EPSTI1: variants seen among roughly 807,000 people sequenced by gnomAD.
The protein encoded by EPSTI1 is epithelial-stromal interaction protein 1.
Under a neutral mutation model 49.9 loss-of-function variants are expected in EPSTI1, and 66 were observed. That is an observed-to-expected ratio of 1.32 (90% confidence interval 1.08 to 1.62). EPSTI1 has a LOEUF of 1.62. Among genes scored for constraint, EPSTI1 ranks in the 40% most tolerant of loss-of-function variants. The probability of loss-of-function intolerance (pLI) is 0.00; values close to 1 mark genes in which losing one functional copy is unlikely to be tolerated. For missense variants in EPSTI1, 394 were observed against 365.5 expected, an observed-to-expected ratio of 1.08 and a Z score of -0.64; for synonymous variants, 137 against 130.7, an observed-to-expected ratio of 1.05 and a Z score of -0.33.
intron 8 of EPSTI1, among the ~76,000 whole-genome samples, chr13:42,908,537 A>G (rs1172097501): frequency 6.6e-6 from 1 of 151,912 alleles, no homozygotes; most frequent in African/African-American, 2.4e-5. Context: ...GCTCCATGAC[A>G]TTGGTCTGGG....
intron 8 of EPSTI1, among the ~76,000 whole-genome samples, chr13:42,906,455 A>G (rs2037501780): frequency 6.6e-6 from 1 of 152,242 alleles, no homozygotes; most frequent in Non-Finnish European, 1.5e-5. Flanking sequence ...TTATGTAAAC[A>G]TGAAAATGCC....
chr13:42,974,615 C>A (rs1419016590), intron 1 of EPSTI1, among the ~76,000 whole-genome samples: 1 of 150,482 alleles, frequency 6.6e-6, no homozygotes, highest in Admixed American at 6.6e-5. Context: ...GCCGAGATTG[C>A]GCCACTGCAC....
intron 9 of EPSTI1, among the ~76,000 whole-genome samples, chr13:42,898,037 C>T (rs143208535): frequency 4.1e-3 from 625 of 152,324 alleles, no homozygotes; most frequent in Non-Finnish European, 6.5e-3. Context: ...GACCCCCATG[C>T]TCTGTCGTTT....
intron 6 of EPSTI1, among the ~76,000 whole-genome samples, chr13:42,946,595 T>C (rs540824682): frequency 6.6e-6 from 1 of 152,144 alleles, no homozygotes; most frequent in Non-Finnish European, 1.5e-5. Context: ...TTTCCTCTCT[T>C]TACTTTTGCC....
At chr13:42,974,094 G>C (rs1039447392) in intron 1 of EPSTI1, among the ~76,000 whole-genome samples, 4 of 152,114 alleles carry the variant, frequency 2.6e-5, no homozygotes, top group Non-Finnish European at 5.9e-5. Context: ...TCAGCACTTT[G>C]GGGGGCTGAG....
At chr13:42,929,264 A>G (rs1332356876) in intron 6 of EPSTI1, among the ~76,000 whole-genome samples, 1 of 152,218 alleles carries the variant, frequency 6.6e-6, no homozygotes, top group African/African-American at 2.4e-5. Flanking sequence ...TCATCATGCA[A>G]TCTACAAAGT....
intron 8 of EPSTI1, among the ~76,000 whole-genome samples, chr13:42,914,801 C>A (rs1485746358): frequency 6.6e-6 from 1 of 151,996 alleles, no homozygotes; most frequent in South Asian, 2.1e-4. Context: ...CCTACTGTCA[C>A]CAACTGTGGC....
intron 8 of EPSTI1, among the ~76,000 whole-genome samples, chr13:42,915,507 G>C (rs1288797369): frequency 6.6e-6 from 1 of 152,166 alleles, no homozygotes; most frequent in East Asian, 1.9e-4. Flanking sequence ...ACTCCAATAT[G>C]GGTGACAGAG....
chr13:42,890,304 T>C (rs1251545007), intron 10 of EPSTI1, among the ~76,000 whole-genome samples: 1 of 148,284 alleles, frequency 6.7e-6, no homozygotes, highest in East Asian at 1.9e-4. Context: ...TTCTTTTTTT[T>C]TTTTTTTTTT....
intron 7 of EPSTI1, among the ~76,000 whole-genome samples, chr13:42,921,257 A>G (rs1435346412): frequency 6.6e-6 from 1 of 152,192 alleles, no homozygotes; most frequent in Non-Finnish European, 1.5e-5. Context: ...GGAAACAGAG[A>G]AAATCCTTCA....
At chr13:42,945,985 T>C (rs943058901) in intron 6 of EPSTI1, among the ~76,000 whole-genome samples, 61 of 152,326 alleles carry the variant, frequency 4.0e-4, no homozygotes, top group African/African-American at 1.5e-3. Context: ...ATGAATAGGA[T>C]GACTTTCTAT....
intron 1 of EPSTI1, among the ~76,000 whole-genome samples, chr13:42,986,742 C>A (rs9594843): frequency 1.9e-5 from 1 of 51,956 alleles, no homozygotes. Context: ...AAGATTCCAT[C>A]TCAAAAAAAA....
At chr13:42,978,575 G>A (rs1458479781) in intron 1 of EPSTI1, among the ~76,000 whole-genome samples, 2 of 152,076 alleles carry the variant, frequency 1.3e-5, no homozygotes, top group Admixed American at 1.3e-4. Context: ...GGGACCCCAG[G>A]ATTTCTTTTC....
chr13:42,974,063 C>T (rs986947005), intron 1 of EPSTI1, among the ~76,000 whole-genome samples: 1 of 152,292 alleles, frequency 6.6e-6, no homozygotes, highest in East Asian at 1.9e-4. Context: ...TGGCCAAGCG[C>T]GGTGGCTCAT....
chr13:42,901,366 C>T (rs536808856), intron 8 of EPSTI1, among the ~76,000 whole-genome samples: 217 of 152,260 alleles, frequency 1.4e-3, no homozygotes, highest in Non-Finnish European at 2.0e-3. Context: ...CCACAGTCCC[C>T]CAAAATAAAA....
intron 8 of EPSTI1, 51 bp downstream of exon 8, chr13:42,917,490 C>T: frequency 1.4e-6 from 2 of 1,430,170 alleles, no homozygotes; most frequent in South Asian, 1.2e-5. Context: ...TCAAAATTAT[C>T]TAGTACCTCA....
intron 3 of EPSTI1, among the ~76,000 whole-genome samples, chr13:42,967,387 G>C (rs545099855): frequency 3.3e-5 from 5 of 152,154 alleles, no homozygotes; most frequent in East Asian, 3.9e-4. Flanking sequence ...AGAACAGTTA[G>C]AGCCTAAAGG....
At chr13:42,985,668 G>A (rs1886153) in intron 1 of EPSTI1, among the ~76,000 whole-genome samples, 94,725 of 152,094 alleles carry the variant, frequency 0.62, 29,924 homozygotes, top group Non-Finnish European at 0.66. Flanking sequence ...GAGGAGTTCT[G>A]CATGGGCCAG....
At position 42,989,567 on chromosome 13, in the gene EPSTI1, C is replaced by CT; in HGVS notation, c.188+2410dup. The stretch of plus-strand genomic sequence containing the variant: ...ATTAAAGCACTTTATCCTCTTTTTT[C>CT]TTTTTTTTTTTTTTTTGCTTTTTGT... On this transcript the variant is annotated intron_variant, in intron 1 of 10. Coordinates refer to ENST00000313624, the MANE Select transcript of EPSTI1 (RefSeq NM_033255.5). Among the ~76,000 whole-genome samples, 741 of 79,026 alleles carry CT rather than the reference C, an allele frequency of 9.4e-3. 20 individuals carry two copies. Among genetic ancestry groups the CT allele is most frequent in the African/African-American group, 0.026 (595 of 22,864 alleles). The allele number at this position is 79,026 out of a possible 152,430, so 51.8% of individuals were successfully genotyped here. A position where few individuals can be genotyped will look rare whatever the true frequency, so the allele number is the denominator to read the frequency against.
Sources: allele counts gnomAD v4.1 joint callset (sites outside exome capture counted in the v4.1 genomes callset), GRCh38; gene constraint gnomAD v4.1.1; transcripts MANE v1.5; gene names NCBI Gene and HGNC (gene_info 2026-07-23, HGNC 2026-07-21).